Variants in TFEB observed in about 807,000 individuals in gnomAD.
The protein encoded by TFEB is transcription factor EB.
A neutral mutation model predicts 48.0 loss-of-function variants in TFEB; 12 were observed. That is an observed-to-expected ratio of 0.25 (90% CI 0.16 to 0.40). The LOEUF is 0.40. TFEB is among the 10% of genes least tolerant of loss of function. The pLI, the probability that TFEB is intolerant of heterozygous loss-of-function variation, is 1.00. For missense variants in TFEB, 509 were observed against 640.3 expected (o/e 0.79, Z 2.21); for synonymous variants, 244 against 261.4 (o/e 0.93, Z 0.64).
intron 1 of TFEB, among the ~76,000 whole-genome samples, chr6:41,712,049 T>C (rs1770505175): frequency 6.6e-6 from 1 of 152,124 alleles, no homozygotes; most frequent in Non-Finnish European, 1.5e-5. Context: ...GCCCCGGCCA[T>C]ACCTCACCTC....
chr6:41,684,928 C>G lies in TFEB; in HGVS notation c.1102G>C (p.Asp368His), dbSNP rs768331806. 5 of 1,584,696 alleles carry G rather than the reference C, an allele frequency of 3.2e-6. No individual in the cohort carries two copies. The highest frequency in any genetic ancestry group is 4.3e-6 in the Non-Finnish European group (5 of 1,165,704). The stretch of plus-strand genomic sequence containing the variant: ...GGCAGAGCTGGCAGTGGCTCAGGGT[C>G]AGGGACCTCAGCCCCCAGCATCAGG... ...EALMLGAEVPDPEPLPALPPQ... is the reference protein window; with the variant it reads ...EALMLGAEVPHPEPLPALPPQ... The change falls in exon 9 of 9, where the codon GAC becomes CAC. Residue 368 changes from aspartate (D) to histidine (H), a missense_variant. Asp to His is a moderately conservative substitution (Grantham distance 81). Coordinates refer to ENST00000373033, the MANE Select transcript of TFEB (RefSeq NM_001271944.2).
At position 41,724,486 on chromosome 6, in the gene TFEB, G is replaced by C. The variant is rs531858786; in HGVS notation, c.-23+10864C>G. 4.6e-4 allele frequency among the ~76,000 whole-genome samples: 70 copies of C among 152,132 alleles called. No individual in the cohort carries two copies. Among genetic ancestry groups the C allele is most frequent in the African/African-American group, 1.7e-3 (70 of 41,528 alleles). On this transcript the variant is annotated intron_variant, in intron 1 of 8. Coordinates refer to ENST00000373033, the MANE Select transcript of TFEB (RefSeq NM_001271944.2). The surrounding 1 kb of genome is among the most constrained non-coding windows in gnomAD (Gnocchi z 4.4). ...AAGCCCAGAACAGTGAGGCCAGAGAGGCCCAGGGAGGATGGACCCAGACTC... is the reference window on the plus strand; with the variant it reads ...AAGCCCAGAACAGTGAGGCCAGAGACGCCCAGGGAGGATGGACCCAGACTC...
At chr6:41,721,168 C>T (rs1429709849) in intron 1 of TFEB, among the ~76,000 whole-genome samples, 2 of 152,194 alleles carry the variant, frequency 1.3e-5, no homozygotes, top group Non-Finnish European at 2.9e-5. Flanking sequence ...AACCACCTTG[C>T]TAAGAACTGG....
rs1769088788 is a variant in TFEB at position 41,687,816 on chromosome 6, G to T, written c.671-7C>A. The T allele has an allele frequency of 1.9e-6, 3 of 1,613,368 alleles. No individual in the cohort carries two copies. In the South Asian group the frequency reaches 3.3e-5, roughly 18 times the overall value. On this transcript the variant is annotated splice_region_variant and splice_polypyrimidine_tract_variant and intron_variant, in intron 5 of 8. Transcript: ENST00000373033. The stretch of plus-strand genomic sequence containing the variant: ...AGGGCCCTGCTCTCAGCATCTGGAG[G>T]CCAAAAGAGAAGGAGAGAGGAGCTG...
Position 41,690,684 on chromosome 6 carries a change from A to G in TFEB, c.447T>C (p.Ile149=), listed in dbSNP as rs1326560097. 1 of 1,537,790 alleles carries G rather than the reference A, an allele frequency of 6.5e-7. No homozygotes were observed. The highest frequency in any genetic ancestry group is 1.4e-5 in the African/African-American group (1 of 73,214). The change falls in exon 3 of 9, where the codon ATT becomes ATC. Residue 149 remains isoleucine (I), a synonymous_variant. Coordinates refer to ENST00000373033, the MANE Select transcript of TFEB (RefSeq NM_001271944.2). ...TCACCTCCCTCTCAGGGTTGGAGCC[A>G]ATGTGCAGCATGGCCATGGGGCTAT... is the stretch of plus-strand genomic sequence containing the variant. ...APNSPMAMLH[I]GSNPERELDD...
intron 1 of TFEB, among the ~76,000 whole-genome samples, chr6:41,699,957 T>C (rs145013420): frequency 2.6e-4 from 39 of 152,300 alleles, no homozygotes; most frequent in African/African-American, 9.1e-4. Context: ...ATAATCACTG[T>C]TTAGATCAAG....
In TFEB at chr6:41,734,312, C is replaced by T. The variant is rs561806601; in HGVS notation, c.-23+1038G>A. ...CGCCCCGGGCTCCCTCCCTTCCTCA[C>T]CCGGGGCGCGGGGCTGGGGCGCGCC... is the stretch of plus-strand genomic sequence containing the variant. On this transcript the variant is annotated intron_variant, in intron 1 of 8. Transcript: ENST00000373033. This position sits in a 1 kb window ranked among gnomAD's most constrained non-coding sequence, Gnocchi z 4.0. 21 of 983,556 alleles carry T rather than the reference C, an allele frequency of 2.1e-5. No individual in the cohort carries two copies. In the African/African-American group the frequency reaches 3.7e-4, roughly 17 times the overall value. 60.9% of individuals were successfully genotyped at this position (983,556 alleles called of 1,614,324 possible).
chr6:41,732,311 C>T (rs970153611), intron 1 of TFEB, among the ~76,000 whole-genome samples: 2 of 152,194 alleles, frequency 1.3e-5, no homozygotes, highest in African/African-American at 4.8e-5. Context: ...GGTTAAAATT[C>T]CAATCCTGTC....
At chr6:41,733,803 C>G in intron 1 of TFEB, 1 of 985,488 alleles carries the variant, frequency 1.0e-6, no homozygotes, top group Non-Finnish European at 1.2e-6. Context: ...TGAGGACTGT[C>G]TCCCAGTCGT....
rs955409130 is a variant in TFEB, at chr6:41,734,922, G to T, written c.-23+428C>A. The T allele has an allele frequency of 1.0e-6, 1 of 985,028 alleles. No homozygotes were observed. The highest frequency in any genetic ancestry group is 1.7e-5 in the African/African-American group (1 of 57,144). The allele number at this position is 985,028 out of a possible 1,614,324, so 61.0% of individuals were successfully genotyped here. ...TACCTCCGACCCCCTCTCAGGCATC[G>T]CCGGCCCCAGCCGTGTCCGGTGGAG... On this transcript the variant is annotated intron_variant, in intron 1 of 8. Transcript: ENST00000373033. This position sits in a 1 kb window ranked among gnomAD's most constrained non-coding sequence, Gnocchi z 4.0.
intron 1 of TFEB, among the ~76,000 whole-genome samples, chr6:41,696,551 G>A (rs752233887): frequency 3.0e-4 from 45 of 152,050 alleles, no homozygotes; most frequent in Non-Finnish European, 5.1e-4. Context: ...AAAATTAGCC[G>A]GGCGTGGTGG....
In TFEB at chr6:41,687,949, C is replaced by G. The variant is rs757376682; in HGVS notation, c.629G>C (p.Ser210Thr). 1 of 1,614,074 alleles carries G rather than the reference C, an allele frequency of 6.2e-7. No homozygotes were observed. Among genetic ancestry groups the G allele is most frequent in the Non-Finnish European group, 8.5e-7 (1 of 1,179,976 alleles). Residue 210 changes from serine (S) to threonine (T), a missense_variant, in exon 5 of 9, where the codon AGC becomes ACC. Ser to Thr is a moderately conservative substitution (Grantham distance 58). Coordinates refer to ENST00000373033, the MANE Select transcript of TFEB (RefSeq NM_001271944.2). ...CTGGGTCAGGTCCGCAGGGCAGGAG[C>G]TGCTGGTGACGCCCACCAGGGAGGC... ...VTASLVGVTS[S>T]SCPADLTQKR...
Position 41,685,032 on chromosome 6 carries a change from G to C in TFEB, c.998C>G (p.Pro333Arg). The change falls in exon 9 of 9, where the codon CCG (proline) becomes CGG (arginine). Residue 333 changes from proline (P) to arginine (R), a missense_variant. Transcript: ENST00000373033. ...ARVHGLPTTS[P>R]SGMNMAELAQ... is the part of the protein sequence containing the mutation. ...CAGCTCAGCCATGTTCATGCCGGAC[G>C]GGGAGGTGGTAGGGAGGCCGTGCAC... 6.7e-7 allele frequency: 1 copy of C among 1,492,582 alleles called. No individual in the cohort carries two copies. The highest frequency in any genetic ancestry group is 8.9e-7 in the Non-Finnish European group (1 of 1,121,828). 92.5% of individuals were successfully genotyped at this position (1,492,582 alleles called of 1,614,324 possible). A position where few individuals can be genotyped will look rare whatever the true frequency, so the allele number is the denominator to read the frequency against.
At chr6:41,706,173 A>G (rs376410646) in intron 1 of TFEB, among the ~76,000 whole-genome samples, 36 of 152,362 alleles carry the variant, frequency 2.4e-4, no homozygotes, top group African/African-American at 8.7e-4. Flanking sequence ...TTCCACGTCC[A>G]TGCCAGGGGA....
intron 1 of TFEB, chr6:41,733,857 C>T: frequency 3.0e-6 from 3 of 985,752 alleles, no homozygotes; most frequent in Non-Finnish European, 2.4e-6. Flanking sequence ...CGCATCTGTC[C>T]ACCCAGAAGG....
chr6:41,711,647 G>C (rs1358662119), intron 1 of TFEB, among the ~76,000 whole-genome samples: 3 of 152,196 alleles, frequency 2.0e-5, no homozygotes, highest in Non-Finnish European at 4.4e-5. Flanking sequence ...AGACAGACAG[G>C]GGAACAAAAG....
chr6:41,735,577 G>C lies in TFEB; in HGVS notation c.-250C>G, dbSNP rs1478747066. ...CGCCTCCGCTGTCACCGAGCCCCGC[G>C]CCCGGCGCCCGGGCTCCGGCTGTCA... On this transcript the variant is annotated 5_prime_UTR_variant, in exon 1 of 9. Coordinates refer to ENST00000373033, the MANE Select transcript of TFEB (RefSeq NM_001271944.2). 2.9e-5 allele frequency: 29 copies of C among 983,800 alleles called. No individual in the cohort carries two copies. The highest frequency in any genetic ancestry group is 3.5e-5 in the Non-Finnish European group (29 of 828,886). 60.9% of individuals were successfully genotyped at this position (983,800 alleles called of 1,614,324 possible).
chr6:41,720,924 G>A lies in TFEB; in HGVS notation c.-23+14426C>T, dbSNP rs1251457933. 6.6e-6 allele frequency among the ~76,000 whole-genome samples: 1 copy of A among 152,088 alleles called. No individual in the cohort carries two copies. The highest frequency in any genetic ancestry group is 1.5e-5 in the Non-Finnish European group (1 of 68,012). On this transcript the variant is annotated intron_variant, in intron 1 of 8. Transcript: ENST00000373033. The surrounding 1 kb of genome is among the most constrained non-coding windows in gnomAD (Gnocchi z 4.1). The stretch of plus-strand genomic sequence containing the variant: ...GACCCCAACCTCCACCCAACCCCCT[G>A]CTCCAGCAAGCATGGGCAGCTCCTG...
At position 41,686,228 on chromosome 6, in the gene TFEB, G is replaced by C; in HGVS notation, c.813C>G (p.Arg271=). 1.2e-6 allele frequency: 2 copies of C among 1,614,122 alleles called. No homozygotes were observed. The highest frequency in any genetic ancestry group is 1.7e-6 in the Non-Finnish European group (2 of 1,179,962). ...LIPKANDLDV[R]WNKGTILKAS... Reference sequence around the variant, plus strand: ...CCTTGAGGATGGTGCCCTTGTTCCAGCGCACGTCCCTGCAGCAGCAGGCCA... The same window carrying C: ...CCTTGAGGATGGTGCCCTTGTTCCACCGCACGTCCCTGCAGCAGCAGGCCA... Residue 271 remains arginine, a synonymous_variant, in exon 8 of 9, where the codon CGC becomes CGG. Coordinates refer to ENST00000373033, the MANE Select transcript of TFEB (RefSeq NM_001271944.2).
Sources: gnomAD v4.1 joint callset for allele counts (sites outside exome capture counted in the v4.1 genomes callset) on GRCh38, gnomAD v4.1.1 for gene constraint, Gnocchi (gnomAD v3.1) non-coding constraint, MANE v1.5 for transcripts, NCBI Gene and HGNC (gene_info 2026-07-23, HGNC 2026-07-21) for gene names.